The following GLP2R variants were observed in gnomAD, a reference collection of about 807,000 sequenced individuals.
GLP2R encodes glucagon like peptide 2 receptor, also known as glucagon-like peptide 2 receptor.
In GLP2R, 59 loss-of-function variants were observed where a neutral mutation model predicts 68.2. The observed-to-expected ratio is 0.87, with a 90% CI of 0.70 to 1.07. The LOEUF (loss-of-function observed/expected upper bound fraction) is 1.07. Ranked by LOEUF, GLP2R falls within the 50% of genes least tolerant of loss-of-function variation. The pLI, the probability that GLP2R is intolerant of heterozygous loss-of-function variation, is 0.00. For missense variants in GLP2R, 548 were observed against 677.4 expected (o/e 0.81, Z 2.12); for synonymous variants, 270 against 265.4 (o/e 1.02, Z -0.17).
chr17:9,862,800 A>G (rs944665120), intron 9 of GLP2R, among the ~76,000 whole-genome samples: 6 of 152,184 alleles, frequency 3.9e-5, no homozygotes, highest in Admixed American at 3.3e-4. Context: ...TCGCGTGCCC[A>G]CCAGGTGCTG....
chr17:9,857,345 A>C, intron 5 of GLP2R, 78 bp from the exon 6 acceptor site: 1 of 1,282,234 alleles, frequency 7.8e-7, no homozygotes, highest in East Asian at 2.3e-5. Flanking sequence ...TGATAGATAC[A>C]CAGGCATAAA....
Position 9,889,832 on chromosome 17 carries a change from T to C in GLP2R, c.*127T>C. 1.6e-6 allele frequency: 1 copy of C among 643,274 alleles called. No homozygotes were observed. Among genetic ancestry groups the C allele is most frequent in the East Asian group, 2.7e-5 (1 of 36,612 alleles). 39.8% of individuals were successfully genotyped at this position (643,274 alleles called of 1,614,324 possible). Reference sequence around the variant, plus strand: ...CGTTCCATTCACCATGCCACTTTGATATGAAAGCTATCACAAGGTTCTTCA... The same window carrying C: ...CGTTCCATTCACCATGCCACTTTGACATGAAAGCTATCACAAGGTTCTTCA... On this transcript the variant is annotated 3_prime_UTR_variant, in exon 13 of 13. Coordinates refer to ENST00000262441, the MANE Select transcript of GLP2R (RefSeq NM_004246.3).
At chr17:9,876,481 G>A (rs1172742908) in intron 10 of GLP2R, among the ~76,000 whole-genome samples, 1 of 152,186 alleles carries the variant, frequency 6.6e-6, no homozygotes, top group African/African-American at 2.4e-5. Flanking sequence ...GAGATCTAAT[G>A]GTTATAAACT....
chr17:9,833,427 C>G (rs953935800), intron 1 of GLP2R, among the ~76,000 whole-genome samples: 1 of 152,194 alleles, frequency 6.6e-6, no homozygotes, highest in East Asian at 1.9e-4. Flanking sequence ...TCCTCTGGTC[C>G]TTCTGTCACA....
chr17:9,849,879 C>T (rs2066876468), intron 4 of GLP2R, among the ~76,000 whole-genome samples: 1 of 152,166 alleles, frequency 6.6e-6, no homozygotes, highest in African/African-American at 2.4e-5. Flanking sequence ...TCCCAAAGTG[C>T]TGGGATTACA....
intron 6 of GLP2R, among the ~76,000 whole-genome samples, chr17:9,859,636 A>AATATATAT (rs141072252): frequency 4.5e-4 from 64 of 143,100 alleles, no homozygotes; most frequent in South Asian, 1.6e-3. Context: ...ACTAAAAAAA[A>AATATATAT]ATATATATAT....
rs765766404 is a variant in GLP2R at position 9,887,946 on chromosome 17, C to T, written c.1299C>T (p.Ala433=). The T allele has an allele frequency of 5.0e-6, 8 of 1,612,426 alleles. No homozygotes were observed. In the African/African-American group the frequency reaches 9.4e-5, roughly 19 times the overall value. The part of the protein sequence containing the change: ...TLSSFHGFLV[A]LQYGFANGEV... Reference sequence around the variant, plus strand: ...TTTTGTTTCAGGGGTTCCTGGTGGCCTTGCAGTATGGTTTTGCCAATGGAG... The same window carrying T: ...TTTTGTTTCAGGGGTTCCTGGTGGCTTTGCAGTATGGTTTTGCCAATGGAG... Residue 433 remains alanine (A), a synonymous_variant, in exon 12 of 13, where the codon GCC becomes GCT. Coordinates refer to ENST00000262441, the MANE Select transcript of GLP2R (RefSeq NM_004246.3).
rs2067294930 is a variant in GLP2R, at chr17:9,891,962, C to T, written c.*2257C>T. 1 of 152,160 alleles carries T rather than the reference C, an allele frequency of 6.6e-6. No homozygotes were observed. Among genetic ancestry groups the T allele is most frequent in the African/African-American group, 2.4e-5 (1 of 41,426 alleles). 9.4% of individuals were successfully genotyped at this position (152,160 alleles called of 1,614,324 possible). A position where few individuals can be genotyped will look rare whatever the true frequency, so the allele number is the denominator to read the frequency against. On this transcript the variant is annotated 3_prime_UTR_variant, in exon 13 of 13. Transcript: ENST00000262441. Reference sequence around the variant, plus strand: ...CGGATGCTGCTGGGAGTAAGTGATCCAGGACCTTACCGCTAAGAGGAGAAA... The same window carrying T: ...CGGATGCTGCTGGGAGTAAGTGATCTAGGACCTTACCGCTAAGAGGAGAAA...
intron 10 of GLP2R, among the ~76,000 whole-genome samples, chr17:9,879,780 C>T (rs1452134089): frequency 6.6e-6 from 1 of 152,138 alleles, no homozygotes; most frequent in Non-Finnish European, 1.5e-5. Flanking sequence ...TTTCCTGCAG[C>T]CCTCACTATC....
chr17:9,879,991 A>T (rs930342369), intron 10 of GLP2R, among the ~76,000 whole-genome samples: 8 of 152,164 alleles, frequency 5.3e-5, no homozygotes, highest in African/African-American at 1.9e-4. Context: ...AAAGAAAGAG[A>T]TAGATGAAAC....
chr17:9,856,921 T>C (rs995108702), intron 5 of GLP2R, among the ~76,000 whole-genome samples: 2 of 152,088 alleles, frequency 1.3e-5, no homozygotes, highest in East Asian at 1.9e-4. Flanking sequence ...TTGTAGGTGA[T>C]AGCTATTTTT....
chr17:9,880,334 TC>T, intron 10 of GLP2R, 43 bp from the exon 11 acceptor site: 1 of 1,359,894 alleles, frequency 7.4e-7, no homozygotes, highest in Non-Finnish European at 1.0e-6. Context: ...TGTTGCTTGT[TC>T]CCCATGTGGC....
intron 11 of GLP2R, among the ~76,000 whole-genome samples, chr17:9,881,113 G>A (rs2152048357): frequency 1.3e-5 from 2 of 152,242 alleles, no homozygotes; most frequent in South Asian, 4.1e-4. Flanking sequence ...ATCTAGGTAG[G>A]ACCTAGTAGG....
intron 4 of GLP2R, among the ~76,000 whole-genome samples, chr17:9,850,131 C>T (rs1385347384): frequency 1.3e-5 from 2 of 152,044 alleles, no homozygotes; most frequent in South Asian, 2.1e-4. Flanking sequence ...TCGTTGGGTG[C>T]GTATCACATA....
intron 10 of GLP2R, among the ~76,000 whole-genome samples, chr17:9,876,849 G>A (rs2067145998): frequency 6.6e-6 from 1 of 152,186 alleles, no homozygotes; most frequent in African/African-American, 2.4e-5. Flanking sequence ...GAAAGGCAGG[G>A]ATGGCTTCTT....
intron 10 of GLP2R, among the ~76,000 whole-genome samples, chr17:9,878,232 A>G (rs891373202): frequency 2.0e-5 from 3 of 152,230 alleles, no homozygotes; most frequent in Non-Finnish European, 4.4e-5. Flanking sequence ...AACGATTGCC[A>G]TGCAAGAATT....
rs542576454 is a variant in GLP2R at position 9,881,632 on chromosome 17, G to A, written c.1284+1116G>A. On this transcript the variant is annotated intron_variant, in intron 11 of 12. Transcript: ENST00000262441. ...CCTGACCTCGTGATCCGCCCGCCTC[G>A]GCCTCCCAAAGTGCTGGGATTACAG... is the stretch of plus-strand genomic sequence containing the variant. Among the ~76,000 whole-genome samples the A allele has an allele frequency of 1.1e-4, 15 of 135,496 alleles. 1 individual carries two copies. The highest frequency in any genetic ancestry group is 5.4e-4 in the African/African-American group (14 of 26,058). 88.9% of individuals were successfully genotyped at this position (135,496 alleles called of 152,430 possible). A position where few individuals can be genotyped will look rare whatever the true frequency, so the allele number is the denominator to read the frequency against.
At chr17:9,879,815 G>T (rs2067179302) in intron 10 of GLP2R, among the ~76,000 whole-genome samples, 1 of 152,270 alleles carries the variant, frequency 6.6e-6, no homozygotes, top group South Asian at 2.1e-4. Context: ...GCAACATGAG[G>T]GCTGACAGCG....
At chr17:9,885,694 A>G (rs8082709) in intron 11 of GLP2R, among the ~76,000 whole-genome samples, 9,119 of 151,876 alleles carry the variant, frequency 0.06, 917 homozygotes, top group African/African-American at 0.21. Flanking sequence ...CTCTTAAGTC[A>G]TAGGCATAGA....
Sources: allele counts gnomAD v4.1 joint callset (sites outside exome capture counted in the v4.1 genomes callset), GRCh38; gene constraint gnomAD v4.1.1; transcripts MANE v1.5; gene names NCBI Gene and HGNC (gene_info 2026-07-23, HGNC 2026-07-21).